The following VIRMA variants were observed in gnomAD, a reference collection of about 807,000 sequenced individuals.
VIRMA encodes protein virilizer homolog.
A neutral mutation model predicts 182.4 loss-of-function variants in VIRMA; 65 were observed. The ratio of observed to expected loss-of-function variants is 0.36; its 90% CI spans 0.29 to 0.44. The LOEUF is 0.44. Among genes scored for constraint, VIRMA ranks in the 20% least tolerant of loss-of-function variants. The probability of loss-of-function intolerance (pLI) is 1.00; values close to 1 mark genes in which losing one functional copy is unlikely to be tolerated. For missense variants in VIRMA, 1,752 were observed against 2,158.1 expected (o/e 0.81, Z 3.73); for synonymous variants, 709 against 743.1 (o/e 0.95, Z 0.75).
intron 5 of VIRMA, 64 bp downstream of exon 5, chr8:94,534,775 T>A (rs1042874845): frequency 6.5e-7 from 1 of 1,547,226 alleles, no homozygotes; most frequent in Non-Finnish European, 8.7e-7. Flanking sequence ...GCTCTTCGAA[T>A]TATTTTTTTT....
intron 1 of VIRMA, among the ~76,000 whole-genome samples, chr8:94,548,442 G>C (rs765051454): frequency 2.0e-5 from 3 of 150,746 alleles, no homozygotes; most frequent in Non-Finnish European, 4.4e-5. Context: ...TAATTACAGT[G>C]TAAAATACAA....
chr8:94,494,888 G>T lies in VIRMA; in HGVS notation c.4613C>A (p.Ala1538Asp). 1 of 1,604,604 alleles carries T rather than the reference G, an allele frequency of 6.2e-7. No homozygotes were observed. ...LKSMWFTPFQAEEIDTDLDLV... is the reference protein window; with the variant it reads ...LKSMWFTPFQDEEIDTDLDLV... ...ATCCAGATCTGTATCTATCTCTTCA[G>T]CCTGAAATGGAGTGAACCACATAGA... Residue 1538 changes from alanine (A) to aspartate (D), a missense_variant, in exon 20 of 24, where the codon GCT becomes GAT. This residue lies in a region of VIRMA where 777 missense variants were observed against 920.6 expected (regional missense o/e 0.84). Coordinates refer to ENST00000297591, the MANE Select transcript of VIRMA (RefSeq NM_015496.5).
At chr8:94,515,098 CT>C (rs796163204) in intron 10 of VIRMA, 147 bp from the exon 11 acceptor site, 31,527 of 308,634 alleles carry the variant, frequency 0.1, 11 homozygotes, top group Middle Eastern at 0.15. Context: ...GCATCTAATT[CT>C]TTTTTTTTTT....
chr8:94,492,503 T>G, intron 21 of VIRMA, 149 bp downstream of exon 21: 1 of 518,338 alleles, frequency 1.9e-6, no homozygotes, highest in South Asian at 3.7e-5. Flanking sequence ...TTAGCCAGAA[T>G]GGTCTCGATC....
chr8:94,531,236 A>G (rs1187229965), intron 5 of VIRMA, 151 bp from the exon 6 acceptor site: 2 of 836,790 alleles, frequency 2.4e-6, no homozygotes, highest in Non-Finnish European at 3.4e-6. Flanking sequence ...CAAAATCTGC[A>G]TATATATAAT....
chr8:94,492,747 G>C lies in VIRMA; in HGVS notation c.4713C>G (p.Arg1571=). ...GAGATGATGGTTCTGACAAAAATGA[G>C]CGCTCTAATTCTGAGTGCAAATCAA... The part of the protein sequence containing the change: ...SDFDLHSELE[R]SFLSEPSSPG... The change falls in exon 21 of 24, where the codon CGC becomes CGG. Residue 1571 remains arginine (R), a synonymous_variant. Coordinates refer to ENST00000297591, the MANE Select transcript of VIRMA (RefSeq NM_015496.5). 1 of 1,613,932 alleles carries C rather than the reference G, an allele frequency of 6.2e-7. No homozygotes were observed. The highest frequency in any genetic ancestry group is 8.5e-7 in the Non-Finnish European group (1 of 1,179,908).
intron 10 of VIRMA, among the ~76,000 whole-genome samples, chr8:94,517,585 T>A (rs142563151): frequency 6.6e-6 from 1 of 152,356 alleles, no homozygotes; most frequent in East Asian, 1.9e-4. Flanking sequence ...AAAAGGTACT[T>A]GTAAAAACTA....
rs761923498 is a variant in VIRMA, at chr8:94,553,462, G to C, written c.-15C>G. 6 of 1,613,614 alleles carry C rather than the reference G, an allele frequency of 3.7e-6. No homozygotes were observed. Among genetic ancestry groups the C allele is most frequent in the Non-Finnish European group, 8.5e-7 (1 of 1,179,568 alleles). ...TCCACCGCCATGTTTGCCGCGGGCG[G>C]GGAACAGGGGGGAGGACTTCCGGGG... On this transcript the variant is annotated 5_prime_UTR_variant, in exon 1 of 24. Transcript: ENST00000297591.
intron 16 of VIRMA, among the ~76,000 whole-genome samples, chr8:94,505,644 A>G (rs1273051814): frequency 6.6e-6 from 1 of 151,988 alleles, no homozygotes; most frequent in Non-Finnish European, 1.5e-5. Context: ...CATCATGCCC[A>G]ACTAATTTGT....
chr8:94,513,972 C>T (rs143847363), intron 11 of VIRMA, among the ~76,000 whole-genome samples: 236 of 152,172 alleles, frequency 1.6e-3, no homozygotes, highest in African/African-American at 5.5e-3. Context: ...AGCAGATAAA[C>T]CCAAAAAACA....
intron 2 of VIRMA, 92 bp downstream of exon 2, chr8:94,543,735 T>C: frequency 1.4e-6 from 1 of 728,558 alleles, no homozygotes; most frequent in South Asian, 1.7e-5. Context: ...TTTTATCACT[T>C]GTAAAATATT....
intron 6 of VIRMA, among the ~76,000 whole-genome samples, chr8:94,529,627 A>C: frequency 9.1e-6 from 1 of 110,210 alleles, no homozygotes. Context: ...ATTTTATTTT[A>C]TTTATTATTT....
intron 8 of VIRMA, among the ~76,000 whole-genome samples, chr8:94,524,365 C>T (rs915293741): frequency 2.0e-5 from 3 of 151,018 alleles, no homozygotes; most frequent in Non-Finnish European, 2.9e-5. Context: ...AGTGCAGTGG[C>T]CAGATCTTGG....
chr8:94,548,757 G>T (rs964395403), intron 1 of VIRMA, among the ~76,000 whole-genome samples: 3 of 152,124 alleles, frequency 2.0e-5, no homozygotes, highest in Non-Finnish European at 4.4e-5. Context: ...CCAGGTTCAC[G>T]CCATTCTCCT....
intron 1 of VIRMA, among the ~76,000 whole-genome samples, chr8:94,551,278 T>C (rs1232381007): frequency 1.3e-5 from 2 of 152,262 alleles, no homozygotes; most frequent in African/African-American, 4.8e-5. Flanking sequence ...TCTGAAATCT[T>C]GTATCTTTTA....
rs1813519795 is a variant in VIRMA, at chr8:94,488,588, A to C, written c.*118T>G. ...AAACAAATTCTGCTTTCTTCAGATA[A>C]AAATATTCTCTCAGATGTCTCCAGA... On this transcript the variant is annotated 3_prime_UTR_variant, in exon 24 of 24. Coordinates refer to ENST00000297591, the MANE Select transcript of VIRMA (RefSeq NM_015496.5). 2.1e-6 allele frequency: 2 copies of C among 952,680 alleles called. No homozygotes were observed. The highest frequency in any genetic ancestry group is 2.6e-5 in the Admixed American group (1 of 38,218). The allele number at this position is 952,680 out of a possible 1,614,324, so 59.0% of individuals were successfully genotyped here. A position where few individuals can be genotyped will look rare whatever the true frequency, so the allele number is the denominator to read the frequency against.
At chr8:94,531,520 A>G (rs893620556) in intron 5 of VIRMA, among the ~76,000 whole-genome samples, 2 of 152,238 alleles carry the variant, frequency 1.3e-5, no homozygotes, top group Admixed American at 6.5e-5. Flanking sequence ...CTGACTTCCC[A>G]CATACTGAAA....
Position 94,505,771 on chromosome 8 carries a change from TATGAGCCACC to T in VIRMA, c.4097+719_4097+728del, listed in dbSNP as rs1166663852. Among the ~76,000 whole-genome samples, 14 of 152,276 alleles carry T rather than the reference TATGAGCCACC, an allele frequency of 9.2e-5. 1 individual carries two copies. In the East Asian group the frequency reaches 2.7e-3, roughly 29 times the overall value. On this transcript the variant is annotated intron_variant, in intron 16 of 23. Transcript: ENST00000297591. Reference sequence around the variant, plus strand: ...TCTCTTGAAGTGCTGAAATTATAGGTATGAGCCACCATGCTCAGCTATTTATATAATTTCA... The same window carrying T: ...TCTCTTGAAGTGCTGAAATTATAGGTATGCTCAGCTATTTATATAATTTCA...
At chr8:94,531,257 T>C (rs965399457) in intron 5 of VIRMA, among the ~76,000 whole-genome samples, 172 bp from the exon 6 acceptor site, 2 of 151,990 alleles carry the variant, frequency 1.3e-5, no homozygotes, top group African/African-American at 4.8e-5. Flanking sequence ...GGGCTGACTG[T>C]CTGTATATGC....
Sources: gnomAD v4.1 joint callset for allele counts (sites outside exome capture counted in the v4.1 genomes callset) on GRCh38, gnomAD v4.1.1 for gene constraint, gnomAD v4.1.1 regional missense constraint, MANE v1.5 for transcripts, NCBI Gene and HGNC (gene_info 2026-07-23, HGNC 2026-07-21) for gene names.